PTPRN2: variants seen among roughly 807,000 people sequenced by gnomAD.
PTPRN2 encodes the protein protein tyrosine phosphatase receptor type N2, also known as receptor-type tyrosine-protein phosphatase N2.
A neutral mutation model predicts 118.8 loss-of-function variants in PTPRN2; 74 were observed. That is an observed-to-expected ratio of 0.62 (90% CI 0.52 to 0.76). The LOEUF (loss-of-function observed/expected upper bound fraction) is 0.76. Among genes scored for constraint, PTPRN2 ranks in the 30% least tolerant of loss-of-function variants. PTPRN2 has a pLI of 0.00. For missense variants in PTPRN2, 1,481 were observed against 1,394.4 expected, an observed-to-expected ratio of 1.06 and a Z score of -0.99; for synonymous variants, 641 against 608.0, an observed-to-expected ratio of 1.05 and a Z score of -0.80.
At chr7:158,428,873 C>T (rs1016141487) in intron 2 of PTPRN2, among the ~76,000 whole-genome samples, 8 of 152,206 alleles carry the variant, frequency 5.3e-5, no homozygotes, top group African/African-American at 1.9e-4. Flanking sequence ...ATTATAAAAG[C>T]AGCTACCGTC....
chr7:158,349,810 G>A (rs1239775107), intron 2 of PTPRN2, among the ~76,000 whole-genome samples: 3 of 143,014 alleles, frequency 2.1e-5, no homozygotes, highest in Admixed American at 1.4e-4. Context: ...GCAGTGCTGA[G>A]GGTGGCCCAC....
intron 12 of PTPRN2, among the ~76,000 whole-genome samples, chr7:157,707,009 C>T (rs1308529126): frequency 2.0e-5 from 3 of 152,048 alleles, no homozygotes; most frequent in Non-Finnish European, 4.4e-5. Context: ...GACCCCGGTG[C>T]CTTCCGGATC....
intron 1 of PTPRN2, among the ~76,000 whole-genome samples, chr7:158,513,520 A>G (rs1823321641): frequency 6.6e-6 from 1 of 152,258 alleles, no homozygotes; most frequent in African/African-American, 2.4e-5. Flanking sequence ...GTACTAATGT[A>G]GGAAGTTAAT....
chr7:158,211,949 A>C (rs945015632), intron 3 of PTPRN2, among the ~76,000 whole-genome samples: 8 of 152,226 alleles, frequency 5.3e-5, no homozygotes, highest in African/African-American at 1.9e-4. Context: ...AACAGTGAAC[A>C]TTTGGAAGCA....
At chr7:157,781,571 G>T (rs1182402457) in intron 12 of PTPRN2, among the ~76,000 whole-genome samples, 1 of 152,198 alleles carries the variant, frequency 6.6e-6, no homozygotes, top group Non-Finnish European at 1.5e-5. Flanking sequence ...TGGTTTTATT[G>T]TCATGGGTTC....
At chr7:158,149,186 TTCC>T (rs1166868537) in intron 6 of PTPRN2, among the ~76,000 whole-genome samples, 1 of 151,998 alleles carries the variant, frequency 6.6e-6, no homozygotes, top group Non-Finnish European at 1.5e-5. Context: ...CCACACGTCT[TTCC>T]TCCTCAAGTG....
At chr7:158,031,053 G>A (rs1374486949) in intron 11 of PTPRN2, 7 of 152,242 alleles carry the variant, frequency 4.6e-5, no homozygotes, top group Admixed American at 4.6e-4. Flanking sequence ...TGCAGTATCT[G>A]CTGAAGGTCC....
Position 158,526,810 on chromosome 7 carries a change from A to T in PTPRN2, c.113-37025T>A, listed in dbSNP as rs1463926164. Among the ~76,000 whole-genome samples, 4 of 152,110 alleles carry T rather than the reference A, an allele frequency of 2.6e-5. No individual in the cohort carries two copies. The highest frequency in any genetic ancestry group is 5.9e-5 in the Non-Finnish European group (4 of 67,984). On this transcript the variant is annotated intron_variant, in intron 1 of 22. Coordinates refer to ENST00000389418, the MANE Select transcript of PTPRN2 (RefSeq NM_002847.5). This position sits in a 1 kb window ranked among gnomAD's most constrained non-coding sequence, Gnocchi z 5.2. ...GCCAAGGGGAGAGGCCTCTGGGGGAACCTGCCCTGCCGTGCTCTCATCTTG... is the reference window on the plus strand; with the variant it reads ...GCCAAGGGGAGAGGCCTCTGGGGGATCCTGCCCTGCCGTGCTCTCATCTTG...
chr7:158,144,893 G>C (rs1467130473), intron 6 of PTPRN2, among the ~76,000 whole-genome samples: 5 of 152,190 alleles, frequency 3.3e-5, no homozygotes, highest in African/African-American at 1.2e-4. Flanking sequence ...CCAAGTGCCT[G>C]CTCTGAAGGA....
At chr7:157,998,952 G>A (rs1423751177) in intron 11 of PTPRN2, among the ~76,000 whole-genome samples, 1 of 152,078 alleles carries the variant, frequency 6.6e-6, no homozygotes, top group East Asian at 1.9e-4. Context: ...TGTGCGGGGT[G>A]CGAGGCATCC....
intron 11 of PTPRN2, among the ~76,000 whole-genome samples, chr7:157,912,231 T>C (rs1019400698): frequency 2.6e-5 from 4 of 152,256 alleles, no homozygotes; most frequent in African/African-American, 9.6e-5. Flanking sequence ...TAGATTTACG[T>C]TGTATCTCCT....
At chr7:158,164,539 GGGAAGGCGCGCA>G (rs1165334261) in intron 6 of PTPRN2, among the ~76,000 whole-genome samples, 8 of 2,960 alleles carry the variant, frequency 2.7e-3, no homozygotes, top group Admixed American at 9.2e-3. Context: ...CGCGCACGTA[GGGAAGGCGCGCA>G]CGTAGGGAAG....
chr7:157,847,028 A>G (rs1336266189), intron 12 of PTPRN2, among the ~76,000 whole-genome samples: 1 of 149,040 alleles, frequency 6.7e-6, no homozygotes, highest in African/African-American at 2.5e-5. Flanking sequence ...TCACTACATC[A>G]TGTGTGGCCG....
intron 2 of PTPRN2, among the ~76,000 whole-genome samples, chr7:158,451,397 CTT>C (rs1441120825): frequency 6.6e-6 from 1 of 152,168 alleles, no homozygotes; most frequent in Non-Finnish European, 1.5e-5. Flanking sequence ...AATTAGCACT[CTT>C]TGTGTCCTGT....
chr7:158,559,449 C>T (rs1218816865), intron 1 of PTPRN2, among the ~76,000 whole-genome samples: 1 of 152,200 alleles, frequency 6.6e-6, no homozygotes, highest in African/African-American at 2.4e-5. Flanking sequence ...CACCATGAGG[C>T]ACATCCACTT....
At chr7:158,146,579 G>T (rs921545008) in intron 6 of PTPRN2, among the ~76,000 whole-genome samples, 2 of 151,526 alleles carry the variant, frequency 1.3e-5, no homozygotes, top group African/African-American at 2.4e-5. Context: ...AAATTAGCCA[G>T]GCGTGGTGGC....
intron 3 of PTPRN2, among the ~76,000 whole-genome samples, chr7:158,287,986 G>A (rs1799873152): frequency 6.6e-6 from 1 of 151,972 alleles, no homozygotes; most frequent in Admixed American, 6.6e-5. Context: ...TACATACTTA[G>A]GTTCTCCAGT....
chr7:158,109,739 C>G (rs556835107), intron 10 of PTPRN2, among the ~76,000 whole-genome samples: 1 of 146,880 alleles, frequency 6.8e-6, no homozygotes, highest in African/African-American at 2.5e-5. Flanking sequence ...TGATGAGTCA[C>G]TGAGTGAATG....
chr7:157,928,378 A>G (rs1217491770), intron 11 of PTPRN2, among the ~76,000 whole-genome samples: 1 of 151,984 alleles, frequency 6.6e-6, no homozygotes, highest in Non-Finnish European at 1.5e-5. Flanking sequence ...GAAAGATAGA[A>G]CTGGTCTGGT....
Sources: gnomAD v4.1 joint callset for allele counts (sites outside exome capture counted in the v4.1 genomes callset) on GRCh38, gnomAD v4.1.1 for gene constraint, Gnocchi (gnomAD v3.1) non-coding constraint, MANE v1.5 for transcripts, NCBI Gene and HGNC (gene_info 2026-07-23, HGNC 2026-07-21) for gene names.